The following CNTN1 variants were observed in gnomAD, a reference collection of about 807,000 sequenced individuals.
The protein encoded by CNTN1 is contactin-1.
CNTN1 carries 38 observed loss-of-function variants against 126.4 expected under a neutral mutation model. That is an observed-to-expected ratio of 0.30 (90% CI 0.23 to 0.39). The LOEUF (loss-of-function observed/expected upper bound fraction) is 0.39. Among genes scored for constraint, CNTN1 ranks in the 10% least tolerant of loss-of-function variants. The pLI, the probability that CNTN1 is intolerant of heterozygous loss-of-function variation, is 1.00. For synonymous variants in CNTN1, 413 were observed against 422.6 expected (o/e 0.98, Z 0.28); for missense variants, 1,009 against 1,248.4 (o/e 0.81, Z 2.89).
At chr12:40,772,133 C>A (rs1466195680) in intron 1 of CNTN1, among the ~76,000 whole-genome samples, 3 of 152,016 alleles carry the variant, frequency 2.0e-5, no homozygotes, top group African/African-American at 7.2e-5. Flanking sequence ...ATATTTATTT[C>A]TTATCTGCAA....
chr12:40,922,522 A>G (rs1945480738), intron 5 of CNTN1, 94 bp downstream of exon 5: 1 of 1,169,636 alleles, frequency 8.5e-7, no homozygotes, highest in Non-Finnish European at 1.3e-6. Context: ...GGAAGGCATC[A>G]TAGATGAGGT....
intron 16 of CNTN1, among the ~76,000 whole-genome samples, chr12:40,989,495 A>G (rs1948049018): frequency 6.6e-6 from 1 of 152,120 alleles, no homozygotes; most frequent in African/African-American, 2.4e-5. Context: ...ATGACAATAT[A>G]GAGTCATGGA....
intron 1 of CNTN1, among the ~76,000 whole-genome samples, chr12:40,862,581 TG>T (rs1943152590): frequency 6.6e-6 from 1 of 152,200 alleles, no homozygotes; most frequent in South Asian, 2.1e-4. Context: ...GAATATCATC[TG>T]GCTTTTTTCA....
chr12:40,812,586 G>A (rs1214291719), intron 1 of CNTN1, among the ~76,000 whole-genome samples: 1 of 152,104 alleles, frequency 6.6e-6, no homozygotes, highest in Non-Finnish European at 1.5e-5. Flanking sequence ...AGCTGCTATA[G>A]TATTGGGTGC....
intron 1 of CNTN1, among the ~76,000 whole-genome samples, chr12:40,862,082 T>C (rs1352136917): frequency 6.6e-6 from 1 of 150,976 alleles, no homozygotes; most frequent in Non-Finnish European, 1.5e-5. Context: ...ATAGCTGGGC[T>C]GCACCTAGCT....
chr12:41,040,371 T>A (rs1949371381), intron 23 of CNTN1, among the ~76,000 whole-genome samples: 1 of 152,110 alleles, frequency 6.6e-6, no homozygotes. Context: ...AGAGAAAGAT[T>A]TTTTGCATGA....
intron 1 of CNTN1, among the ~76,000 whole-genome samples, chr12:40,754,618 G>A (rs1938530082): frequency 6.6e-6 from 1 of 151,682 alleles, no homozygotes; most frequent in Admixed American, 6.6e-5. Context: ...TGCATTGCCA[G>A]GTTTTTCTTT....
chr12:40,773,992 G>A (rs1246212289), intron 1 of CNTN1, among the ~76,000 whole-genome samples: 2 of 151,102 alleles, frequency 1.3e-5, no homozygotes, highest in Non-Finnish European at 3.0e-5. Flanking sequence ...GCTCAACGAC[G>A]GAAAAGATGT....
intron 1 of CNTN1, among the ~76,000 whole-genome samples, chr12:40,864,806 A>T (rs1943244116): frequency 1.3e-5 from 2 of 152,102 alleles, no homozygotes; most frequent in South Asian, 4.1e-4. Flanking sequence ...ACTATCTGTA[A>T]GTTTTGTGTA....
rs1295465963 is a variant in CNTN1 at position 40,707,071 on chromosome 12, CA to C, written c.-77+14480del. On this transcript the variant is annotated intron_variant, in intron 1 of 23. Transcript: ENST00000551295. ...GCACACACACACACACACACACACACACACACACACACACACACCCCTGCTC... is the reference window on the plus strand; with the variant it reads ...GCACACACACACACACACACACACACCACACACACACACACACCCCTGCTC... Among the ~76,000 whole-genome samples the C allele has an allele frequency of 8.5e-4, 129 of 150,898 alleles. 1 individual carries two copies. Among genetic ancestry groups the C allele is most frequent in the African/African-American group, 3.0e-3 (120 of 40,480 alleles).
intron 15 of CNTN1, among the ~76,000 whole-genome samples, chr12:40,965,657 G>A (rs1341394523): frequency 1.3e-5 from 2 of 152,072 alleles, no homozygotes; most frequent in African/African-American, 4.8e-5. Context: ...TGCATGACTA[G>A]CTCAGGGACC....
chr12:40,815,623 T>C (rs890651843), intron 1 of CNTN1, among the ~76,000 whole-genome samples: 2 of 152,196 alleles, frequency 1.3e-5, no homozygotes, highest in African/African-American at 4.8e-5. Flanking sequence ...CCTCTATTCC[T>C]ATTTGGACAC....
chr12:40,770,569 T>C (rs1939297453), intron 1 of CNTN1, among the ~76,000 whole-genome samples: 1 of 152,130 alleles, frequency 6.6e-6, no homozygotes, highest in Non-Finnish European at 1.5e-5. Context: ...ATGCTTTAGG[T>C]ATTGAAGCCA....
intron 1 of CNTN1, among the ~76,000 whole-genome samples, chr12:40,862,632 A>G (rs955336271): frequency 3.9e-5 from 6 of 152,120 alleles, no homozygotes; most frequent in African/African-American, 1.4e-4. Flanking sequence ...AGCTTTCAGC[A>G]TCCAATGCAG....
chr12:40,848,953 A>G (rs191034129), intron 1 of CNTN1, among the ~76,000 whole-genome samples: 5 of 152,224 alleles, frequency 3.3e-5, no homozygotes, highest in African/African-American at 1.2e-4. Flanking sequence ...TAATGTAATC[A>G]TATTTGTGAT....
chr12:40,889,563 C>T (rs764925211), intron 1 of CNTN1, among the ~76,000 whole-genome samples: 15 of 151,952 alleles, frequency 9.9e-5, no homozygotes, highest in Non-Finnish European at 1.8e-4. Context: ...GGTAGGTTCT[C>T]GGGTTTTTGA....
chr12:40,749,370 C>T (rs1023358700), intron 1 of CNTN1, among the ~76,000 whole-genome samples: 2 of 152,016 alleles, frequency 1.3e-5, no homozygotes, highest in African/African-American at 4.8e-5. Flanking sequence ...AAAAATATTT[C>T]TTTTTTTATC....
intron 1 of CNTN1, among the ~76,000 whole-genome samples, chr12:40,820,676 G>A (rs1941415308): frequency 6.6e-6 from 1 of 152,122 alleles, no homozygotes; most frequent in Admixed American, 6.5e-5. Flanking sequence ...GTTGTTCACA[G>A]TGGCAATGGC....
intron 1 of CNTN1, among the ~76,000 whole-genome samples, chr12:40,720,950 A>AATATATATATATTATATT (rs1555145165): frequency 4.1e-4 from 61 of 150,508 alleles, no homozygotes; most frequent in Non-Finnish European, 6.5e-4. Context: ...AAAAAAGAGA[A>AATATATATATATTATATT]ATATATATAT....
Sources: gnomAD v4.1 joint callset for allele counts (sites outside exome capture counted in the v4.1 genomes callset) on GRCh38, gnomAD v4.1.1 for gene constraint, MANE v1.5 for transcripts, NCBI Gene and HGNC (gene_info 2026-07-23, HGNC 2026-07-21) for gene names.